UGT2A1: variants seen among roughly 807,000 people sequenced by gnomAD.
UGT2A1 encodes UDP-glucuronosyltransferase 2A1.
Under a neutral mutation model 45.4 loss-of-function variants are expected in UGT2A1, and 61 were observed. That is an observed-to-expected ratio of 1.34 (90% CI 1.09 to 1.66). The LOEUF (loss-of-function observed/expected upper bound fraction) is 1.66. Among genes scored for constraint, UGT2A1 ranks in the 40% most tolerant of loss-of-function variants. The pLI, the probability that UGT2A1 is intolerant of heterozygous loss-of-function variation, is 0.00. For synonymous variants in UGT2A1, 229 were observed against 196.2 expected (o/e 1.17, Z -1.40); for missense variants, 649 against 574.3 (o/e 1.13, Z -1.33).
At chr4:69,610,298 C>T (rs1021361756) in intron 3 of UGT2A1, among the ~76,000 whole-genome samples, 1 of 152,000 alleles carries the variant, frequency 6.6e-6, no homozygotes, top group Non-Finnish European at 1.5e-5. Context: ...GTATGAAGCA[C>T]CCTAAAATTG....
At chr4:69,641,753 AG>A (rs1722060735) in intron 2 of UGT2A1, among the ~76,000 whole-genome samples, 1 of 151,902 alleles carries the variant, frequency 6.6e-6, no homozygotes, top group Non-Finnish European at 1.5e-5. Flanking sequence ...CAAGTTACTT[AG>A]CCTCCTCATT....
intron 3 of UGT2A1, among the ~76,000 whole-genome samples, chr4:69,630,697 A>G (rs1438476388): frequency 6.6e-6 from 1 of 152,164 alleles, no homozygotes; most frequent in Non-Finnish European, 1.5e-5. Context: ...TATTATAGCC[A>G]AGATGCCAAG....
intron 4 of UGT2A1, 39 bp downstream of exon 4, chr4:69,599,207 T>A: frequency 6.4e-7 from 1 of 1,571,966 alleles, no homozygotes; most frequent in Non-Finnish European, 8.6e-7. Flanking sequence ...AAGTATTTTA[T>A]TATGAAGAGC....
intron 3 of UGT2A1, among the ~76,000 whole-genome samples, chr4:69,623,530 A>T (rs1244124638): frequency 6.6e-6 from 1 of 151,566 alleles, no homozygotes; most frequent in Non-Finnish European, 1.5e-5. Context: ...AATAGTTTAT[A>T]TAAATATTTT....
chr4:69,624,406 A>G (rs1720920853), intron 3 of UGT2A1, among the ~76,000 whole-genome samples: 1 of 151,458 alleles, frequency 6.6e-6, no homozygotes, highest in South Asian at 2.1e-4. Flanking sequence ...TTTTAAAAAA[A>G]TCCAATTTGA....
chr4:69,599,466 A>G, intron 3 of UGT2A1, 72 bp from the exon 4 acceptor site: 1 of 1,578,746 alleles, frequency 6.3e-7, no homozygotes, highest in Non-Finnish European at 8.5e-7. Flanking sequence ...AAAAGCTACC[A>G]GTAATTTCCT....
intron 2 of UGT2A1, among the ~76,000 whole-genome samples, chr4:69,641,706 TA>T (rs1171206794): frequency 6.6e-6 from 1 of 151,886 alleles, no homozygotes; most frequent in Admixed American, 6.6e-5. Context: ...TGGAGTCTGA[TA>T]TTAAATGATT....
rs945091240 is a variant in UGT2A1 at position 69,589,246 on chromosome 4, T to C, written c.*126A>G. The C allele has an allele frequency of 6.4e-6, 8 of 1,242,792 alleles. No individual in the cohort carries two copies. The highest frequency in any genetic ancestry group is 1.5e-5 in the African/African-American group (1 of 65,992). 77.0% of individuals were successfully genotyped at this position (1,242,792 alleles called of 1,614,324 possible). ...AGTAGGCTTATCGCAGGTAGAGAAATAGAAAATTTGGAAACAGGATGGGAG... is the reference window on the plus strand; with the variant it reads ...AGTAGGCTTATCGCAGGTAGAGAAACAGAAAATTTGGAAACAGGATGGGAG... On this transcript the variant is annotated 3_prime_UTR_variant, in exon 7 of 7. Coordinates refer to ENST00000286604, the MANE Select transcript of UGT2A1 (RefSeq NM_001252275.3).
intron 3 of UGT2A1, 103 bp from the exon 4 acceptor site, chr4:69,599,497 C>T (rs1232730524): frequency 6.6e-7 from 1 of 1,511,860 alleles, no homozygotes; most frequent in Admixed American, 2.2e-5. Flanking sequence ...TAAGAAAAAA[C>T]TGAATTAGGT....
At position 69,647,715 on chromosome 4, in the gene UGT2A1, G is replaced by A; in HGVS notation, c.-54-17C>T. 2 of 1,131,350 alleles carry A rather than the reference G, an allele frequency of 1.8e-6. No homozygotes were observed. The highest frequency in any genetic ancestry group is 2.4e-6 in the Non-Finnish European group (2 of 824,310). 70.1% of individuals were successfully genotyped at this position (1,131,350 alleles called of 1,614,324 possible). On this transcript the variant is annotated splice_polypyrimidine_tract_variant and intron_variant, in intron 1 of 6. Transcript: ENST00000286604. ...TTTTCTCTGCTTTTAAAGAAAAAAA[G>A]GAAAGACAAAATTATTTCTCAATTT...
intron 3 of UGT2A1, among the ~76,000 whole-genome samples, chr4:69,627,798 A>G (rs966118128): frequency 3.3e-5 from 5 of 151,930 alleles, no homozygotes; most frequent in Non-Finnish European, 7.4e-5. Flanking sequence ...ATCACATTGA[A>G]ATTAACTCAA....
At chr4:69,624,018 T>G (rs1217484065) in intron 3 of UGT2A1, among the ~76,000 whole-genome samples, 1 of 151,600 alleles carries the variant, frequency 6.6e-6, no homozygotes, top group Non-Finnish European at 1.5e-5. Context: ...ATGAAAAATA[T>G]GAACTCTGTT....
intron 2 of UGT2A1, among the ~76,000 whole-genome samples, chr4:69,641,262 C>T (rs973386098): frequency 1.1e-4 from 17 of 151,810 alleles, no homozygotes; most frequent in Non-Finnish European, 1.3e-4. Context: ...TAGTGAAGAA[C>T]AATAAAATGT....
At chr4:69,626,009 G>A (rs1035661360) in intron 3 of UGT2A1, among the ~76,000 whole-genome samples, 15 of 151,516 alleles carry the variant, frequency 9.9e-5, no homozygotes, top group African/African-American at 3.6e-4. Flanking sequence ...TAGAGTACTT[G>A]TCTACTAATT....
chr4:69,638,982 T>G, intron 2 of UGT2A1: 1 of 1,613,084 alleles, frequency 6.2e-7, no homozygotes, highest in African/African-American at 1.3e-5. Context: ...TATGGTATTT[T>G]TAATCCTTTC....
In UGT2A1 at chr4:69,589,664, T is replaced by C. The variant is rs761974484; in HGVS notation, c.1305-13A>G. 8 of 1,580,366 alleles carry C rather than the reference T, an allele frequency of 5.1e-6. No individual in the cohort carries two copies. The highest frequency in any genetic ancestry group is 6.9e-6 in the Non-Finnish European group (8 of 1,161,864). The stretch of plus-strand genomic sequence containing the variant: ...ATTCTCTTTATAACTAGAAGACAAA[T>C]AAATAGGCAGAAATTAGACAATTTT... On this transcript the variant is annotated splice_polypyrimidine_tract_variant and intron_variant, in intron 6 of 6. Coordinates refer to ENST00000286604, the MANE Select transcript of UGT2A1 (RefSeq NM_001252275.3).
intron 3 of UGT2A1, among the ~76,000 whole-genome samples, chr4:69,618,738 TAGAAA>T (rs1178321191): frequency 6.6e-6 from 1 of 152,022 alleles, no homozygotes; most frequent in African/African-American, 2.4e-5. Flanking sequence ...TCAATCAATG[TAGAAA>T]AGCCTTAAGT....
At chr4:69,643,346 A>C in intron 2 of UGT2A1, among the ~76,000 whole-genome samples, 1 of 151,712 alleles carries the variant, frequency 6.6e-6, no homozygotes, top group East Asian at 1.9e-4. Flanking sequence ...AAAAAGAAGG[A>C]AAAACAATTC....
At position 69,595,191 on chromosome 4, in the gene UGT2A1, A is replaced by T; in HGVS notation, c.1055T>A (p.Phe352Tyr). 1 of 1,613,822 alleles carries T rather than the reference A, an allele frequency of 6.2e-7. No individual in the cohort carries two copies. The highest frequency in any genetic ancestry group is 8.5e-7 in the Non-Finnish European group (1 of 1,179,846). The change falls in exon 5 of 7, where the codon TTT becomes TAT. Residue 352 changes from phenylalanine (F) to tyrosine (Y), a missense_variant. Phe to Tyr is a conservative substitution (Grantham distance 22). Transcript: ENST00000286604. ...AAGATCATTCTGGGGTATCCAATCA[A>T]AGAGCTGAGTATTGTTTCCTAATGT... ...PATLGNNTQL[F>Y]DWIPQNDLLG...
Sources: allele counts gnomAD v4.1 joint callset (sites outside exome capture counted in the v4.1 genomes callset), GRCh38; gene constraint gnomAD v4.1.1; transcripts MANE v1.5; gene names NCBI Gene and HGNC (gene_info 2026-07-23, HGNC 2026-07-21).